Variants in KPNA1 observed in about 807,000 individuals in gnomAD.
KPNA1 encodes importin subunit alpha-5.
A neutral mutation model predicts 70.5 loss-of-function variants in KPNA1; 10 were observed. The ratio of observed to expected loss-of-function variants is 0.14; its 90% CI spans 0.09 to 0.24. KPNA1 has a LOEUF of 0.24. KPNA1 is among the 10% of genes least tolerant of loss of function. The pLI is 1.00. For synonymous variants in KPNA1, 192 were observed against 221.9 expected (o/e 0.87, Z 1.20); for missense variants, 397 against 637.9 (o/e 0.62, Z 4.07).
At chr3:122,429,788 C>G (rs2075876286) in intron 12 of KPNA1, among the ~76,000 whole-genome samples, 1 of 152,142 alleles carries the variant, frequency 6.6e-6, no homozygotes, top group African/African-American at 2.4e-5. Flanking sequence ...ACATTATCAA[C>G]TTACTATAAT....
At chr3:122,449,472 A>G (rs1377656975) in intron 9 of KPNA1, 102 bp downstream of exon 9, 5 of 946,846 alleles carry the variant, frequency 5.3e-6, no homozygotes, top group Non-Finnish European at 7.8e-6. Flanking sequence ...AAAGCACAAT[A>G]AATCAATTAT....
Position 122,454,615 on chromosome 3 carries a change from G to A in KPNA1, c.433-614C>T, listed in dbSNP as rs540846359. On this transcript the variant is annotated intron_variant, in intron 5 of 13. Transcript: ENST00000344337. Reference sequence around the variant, plus strand: ...ATGTTAGTGTGAAACATAAAATACAGGCACAGTGAAAAAGGCAAAAGGTAT... The same window carrying A: ...ATGTTAGTGTGAAACATAAAATACAAGCACAGTGAAAAAGGCAAAAGGTAT... Among the ~76,000 whole-genome samples, 648 of 152,280 alleles carry A rather than the reference G, an allele frequency of 4.3e-3. 2 individuals are homozygous for A. The highest frequency in any genetic ancestry group is 8.0e-3 in the Non-Finnish European group (542 of 68,028).
intron 1 of KPNA1, among the ~76,000 whole-genome samples, chr3:122,507,238 C>T (rs2076900025): frequency 1.3e-5 from 2 of 152,058 alleles, no homozygotes; most frequent in East Asian, 3.9e-4. Flanking sequence ...GTCAGGAGTT[C>T]GAGACCAGCC....
chr3:122,442,217 TAGAGCAGAA>T, intron 9 of KPNA1, 101 bp from the exon 10 acceptor site: 2 of 892,008 alleles, frequency 2.2e-6, no homozygotes, highest in Non-Finnish European at 3.7e-6. Flanking sequence ...GATAGAATTT[TAGAGCAGAA>T]ATGTACCCAT....
chr3:122,497,373 T>C (rs902104743), intron 1 of KPNA1, among the ~76,000 whole-genome samples: 8 of 152,246 alleles, frequency 5.3e-5, no homozygotes, highest in African/African-American at 1.9e-4. Flanking sequence ...TCAGCTATTA[T>C]GAATAACACT....
chr3:122,443,265 T>C (rs929909311), intron 9 of KPNA1: 9 of 152,628 alleles, frequency 5.9e-5, no homozygotes, highest in African/African-American at 1.9e-4. Context: ...GCGTCTGCCA[T>C]TGCTGGGGCT....
intron 10 of KPNA1, among the ~76,000 whole-genome samples, chr3:122,439,111 A>C (rs2076029248): frequency 6.6e-6 from 1 of 152,226 alleles, no homozygotes. Flanking sequence ...AGAGGGACTG[A>C]CACTGCACAT....
At chr3:122,452,449 C>T (rs1466467919) in intron 6 of KPNA1, among the ~76,000 whole-genome samples, 1 of 146,146 alleles carries the variant, frequency 6.8e-6, no homozygotes, top group Non-Finnish European at 1.5e-5. Flanking sequence ...GCCAAGGTTG[C>T]AGTGAGCCGA....
At chr3:122,483,880 C>T (rs1333710552) in intron 2 of KPNA1, among the ~76,000 whole-genome samples, 2 of 152,120 alleles carry the variant, frequency 1.3e-5, no homozygotes, top group Admixed American at 6.6e-5. Flanking sequence ...TTATATCCTA[C>T]AATACAAAGT....
intron 2 of KPNA1, chr3:122,483,315 G>C (rs986274026): frequency 6.5e-6 from 1 of 154,842 alleles, no homozygotes; most frequent in Non-Finnish European, 1.4e-5. Flanking sequence ...ACTATCCACA[G>C]GAATTTTCTG....
chr3:122,488,400 C>A (rs2076654779), intron 2 of KPNA1, among the ~76,000 whole-genome samples: 2 of 152,056 alleles, frequency 1.3e-5, no homozygotes, highest in African/African-American at 4.8e-5. Flanking sequence ...TGCGTGCCTG[C>A]AGCCTCAGCT....
At position 122,437,917 on chromosome 3, in the gene KPNA1, G is replaced by A. The variant is rs189782764; in HGVS notation, c.997-622C>T. 3.9e-4 allele frequency among the ~76,000 whole-genome samples: 60 copies of A among 152,318 alleles called. 1 individual carries two copies. Among genetic ancestry groups the A allele is most frequent in the African/African-American group, 1.4e-3 (58 of 41,574 alleles). ...GAGATCTATTCTAGAAACAAATGCA[G>A]CTATTTATAAAGTTTATAATAAGTT... On this transcript the variant is annotated intron_variant, in intron 10 of 13. Transcript: ENST00000344337.
At chr3:122,427,825 C>CA in intron 12 of KPNA1, 109 bp from the exon 13 acceptor site, 1 of 624,382 alleles carries the variant, frequency 1.6e-6, no homozygotes, top group Non-Finnish European at 2.5e-6. Context: ...AAAAAAAAAA[C>CA]AAAAAACAAG....
intron 9 of KPNA1, among the ~76,000 whole-genome samples, chr3:122,447,683 T>C (rs2076155148): frequency 6.6e-6 from 1 of 151,894 alleles, no homozygotes; most frequent in South Asian, 2.1e-4. Context: ...GGCAATCAGG[T>C]AAGAGAAAGA....
chr3:122,490,852 T>C (rs1576337389), intron 2 of KPNA1, among the ~76,000 whole-genome samples: 1 of 152,154 alleles, frequency 6.6e-6, no homozygotes, highest in Non-Finnish European at 1.5e-5. Flanking sequence ...AATTTTCTTA[T>C]TTACTTATTT....
intron 1 of KPNA1, among the ~76,000 whole-genome samples, chr3:122,507,039 A>G (rs1267883195): frequency 1.3e-5 from 2 of 152,380 alleles, no homozygotes. Context: ...GGAAATGTTC[A>G]CAATGTATTG....
chr3:122,486,154 A>G (rs1018351605), intron 2 of KPNA1, among the ~76,000 whole-genome samples: 1 of 152,212 alleles, frequency 6.6e-6, no homozygotes, highest in African/African-American at 2.4e-5. Flanking sequence ...AGTTATATCC[A>G]CACAAAAAGC....
Position 122,460,205 on chromosome 3 carries a change from CAGTT to C in KPNA1, c.432+1015_432+1018del, listed in dbSNP as rs758714172. 1.4e-5 allele frequency: 14 copies of C among 985,274 alleles called. No homozygotes were observed. In the Admixed American group the frequency reaches 5.6e-4, roughly 39 times the overall value. The allele number at this position is 985,274 out of a possible 1,614,324, so 61.0% of individuals were successfully genotyped here. ...TTTGTAACTAATAAAGGCACTGACT[CAGTT>C]GGTTACTCCAGGGAAGTTTACTAAA... is the stretch of plus-strand genomic sequence containing the variant. On this transcript the variant is annotated intron_variant, in intron 5 of 13. Transcript: ENST00000344337.
intron 1 of KPNA1, among the ~76,000 whole-genome samples, chr3:122,496,815 C>T (rs2076766936): frequency 6.6e-6 from 1 of 152,186 alleles, no homozygotes; most frequent in Admixed American, 6.5e-5. Flanking sequence ...GCAATCCTCC[C>T]ACTTCAGTTT....
Sources: allele counts gnomAD v4.1 joint callset (sites outside exome capture counted in the v4.1 genomes callset), GRCh38; gene constraint gnomAD v4.1.1; transcripts MANE v1.5; gene names NCBI Gene and HGNC (gene_info 2026-07-23, HGNC 2026-07-21).